KIF6: variants seen among roughly 807,000 people sequenced by gnomAD.
KIF6 encodes kinesin family member 6.
In KIF6, 106 loss-of-function variants were observed where a neutral mutation model predicts 112.7. The ratio of observed to expected loss-of-function variants is 0.94; its 90% CI spans 0.80 to 1.11. KIF6 has a LOEUF of 1.11. KIF6 is among the 50% of genes least tolerant of loss of function. The pLI, the probability that KIF6 is intolerant of heterozygous loss-of-function variation, is 0.00. For missense variants in KIF6, 929 were observed against 964.0 expected (o/e 0.96, Z 0.48); for synonymous variants, 339 against 339.9 (o/e 1.00, Z 0.03).
At chr6:39,691,364 G>A (rs1426409308) in intron 3 of KIF6, 1 of 152,196 alleles carries the variant, frequency 6.6e-6, no homozygotes, top group Non-Finnish European at 1.5e-5. Context: ...GTTAAATTAA[G>A]AGCCTAAGGG....
chr6:39,485,696 T>C (rs1030522263), intron 13 of KIF6, among the ~76,000 whole-genome samples: 1 of 152,204 alleles, frequency 6.6e-6, no homozygotes, highest in Non-Finnish European at 1.5e-5. Context: ...CATGTTGGCC[T>C]CTCAGCTATG....
At chr6:39,432,551 C>T (rs139510166) in intron 13 of KIF6, among the ~76,000 whole-genome samples, 4 of 152,264 alleles carry the variant, frequency 2.6e-5, no homozygotes, top group African/African-American at 9.6e-5. Context: ...TGGTGAGGCA[C>T]AAAAATACAC....
intron 3 of KIF6, among the ~76,000 whole-genome samples, chr6:39,660,452 T>C (rs919718131): frequency 6.6e-6 from 1 of 152,220 alleles, no homozygotes; most frequent in Admixed American, 6.5e-5. Context: ...GGGTATAAGC[T>C]GTCTAGTTGT....
At position 39,725,184 on chromosome 6, in the gene KIF6, C is replaced by T. The variant is rs146826743; in HGVS notation, c.66+61G>A. ...CTCCGCCCAGCCCCTTCGCGTGCCG[C>T]CGCCCGACCCCAGCCCAAGAGGCCC... is the stretch of plus-strand genomic sequence containing the variant. On this transcript the variant is annotated intron_variant, in intron 1 of 22. Transcript: ENST00000287152. 3.8e-4 allele frequency: 561 copies of T among 1,469,262 alleles called. 3 individuals carry two copies. The African/African-American group carries it at 7.0e-3, about 18-fold the overall frequency. The allele number at this position is 1,469,262 out of a possible 1,614,324, so 91.0% of individuals were successfully genotyped here.
chr6:39,697,618 C>T (rs1358920160), intron 3 of KIF6, among the ~76,000 whole-genome samples: 1 of 151,400 alleles, frequency 6.6e-6, no homozygotes, highest in Non-Finnish European at 1.5e-5. Context: ...TCTCCACTCA[C>T]TGTGACCTCC....
chr6:39,518,632 G>T (rs1777204680), intron 13 of KIF6, among the ~76,000 whole-genome samples: 1 of 152,188 alleles, frequency 6.6e-6, no homozygotes, highest in African/African-American at 2.4e-5. Flanking sequence ...AAAAGGAAAA[G>T]ATGTCATGTA....
At position 39,545,314 on chromosome 6, in the gene KIF6, T is replaced by A. The variant is rs1239933493; in HGVS notation, c.1287+269A>T. On this transcript the variant is annotated intron_variant, in intron 11 of 22. Coordinates refer to ENST00000287152, the MANE Select transcript of KIF6 (RefSeq NM_145027.6). ...CTCTTGATATAGCTTGAAAATAGTT[T>A]TTTAAAAAATATGGAACTATTCTGT... 2.0e-5 allele frequency among the ~76,000 whole-genome samples: 3 copies of A among 152,222 alleles called. No homozygotes were observed. The East Asian group carries it at 5.8e-4, about 29-fold the overall frequency.
chr6:39,400,663 G>A (rs924150013), intron 15 of KIF6, among the ~76,000 whole-genome samples: 1 of 152,182 alleles, frequency 6.6e-6, no homozygotes, highest in Non-Finnish European at 1.5e-5. Flanking sequence ...AGAGGGTTGT[G>A]GGGGAGAAGC....
At chr6:39,383,931 A>G (rs934640815) in intron 16 of KIF6, among the ~76,000 whole-genome samples, 4 of 152,160 alleles carry the variant, frequency 2.6e-5, no homozygotes, top group African/African-American at 9.7e-5. Context: ...AATGGGTTGC[A>G]TTCTTGATTG....
chr6:39,674,834 A>G (rs1787041543), intron 3 of KIF6, among the ~76,000 whole-genome samples: 1 of 150,318 alleles, frequency 6.7e-6, no homozygotes, highest in Admixed American at 6.7e-5. Context: ...GTCAGGATTA[A>G]AGACAAAAAA....
chr6:39,357,272 C>T lies in KIF6; in HGVS notation c.2180+5G>A. The T allele has an allele frequency of 6.2e-7, 1 of 1,604,616 alleles. No homozygotes were observed. Among genetic ancestry groups the T allele is most frequent in the African/African-American group, 1.3e-5 (1 of 74,600 alleles). Reference sequence around the variant, plus strand: ...TCTAACACCTCCGGTGAGTTCTCACCTTACCTTTTGTTAGAGAGGAGTTGG... The same window carrying T: ...TCTAACACCTCCGGTGAGTTCTCACTTTACCTTTTGTTAGAGAGGAGTTGG... On this transcript the variant is annotated splice_donor_5th_base_variant and intron_variant, in intron 19 of 22. Transcript: ENST00000287152.
intron 3 of KIF6, among the ~76,000 whole-genome samples, chr6:39,683,058 A>G (rs372195890): frequency 2.0e-5 from 3 of 152,234 alleles, no homozygotes; most frequent in Admixed American, 6.5e-5. Flanking sequence ...TGGGCAAAGG[A>G]AAGGAAAAGG....
rs561127832 is a variant in KIF6 at position 39,693,093 on chromosome 6, C to T, written c.251+21599G>A. On this transcript the variant is annotated intron_variant, in intron 3 of 22. Coordinates refer to ENST00000287152, the MANE Select transcript of KIF6 (RefSeq NM_145027.6). The stretch of plus-strand genomic sequence containing the variant: ...CAGCTGCGCTGCCCAGATCAATGTA[C>T]GCATATGCCCCTGGGAGGTTGGTAC... Among the ~76,000 whole-genome samples, 5 of 152,288 alleles carry T rather than the reference C, an allele frequency of 3.3e-5. No individual in the cohort carries two copies. In the East Asian group the frequency reaches 5.8e-4, roughly 18 times the overall value.
chr6:39,538,454 A>T (rs1778576605), intron 13 of KIF6, among the ~76,000 whole-genome samples: 1 of 151,938 alleles, frequency 6.6e-6, no homozygotes, highest in Admixed American at 6.5e-5. Flanking sequence ...CAGCCAAAAG[A>T]CACATGAAAA....
intron 10 of KIF6, among the ~76,000 whole-genome samples, chr6:39,551,647 TA>T (rs1165840352): frequency 1.3e-5 from 2 of 152,008 alleles, no homozygotes; most frequent in African/African-American, 2.4e-5. Context: ...TATTAAAAAT[TA>T]AAAAAACTTT....
intron 1 of KIF6, among the ~76,000 whole-genome samples, chr6:39,723,897 G>T (rs1228842498): frequency 1.3e-5 from 2 of 151,792 alleles, no homozygotes; most frequent in Admixed American, 6.6e-5. Context: ...GTATAATAAC[G>T]AATAAAATAA....
At chr6:39,578,248 C>A in intron 9 of KIF6, 89 bp from the exon 10 acceptor site, 2 of 803,888 alleles carry the variant, frequency 2.5e-6, no homozygotes, top group Non-Finnish European at 4.2e-6. Flanking sequence ...AAATTATGGA[C>A]AATTTTATGG....
At chr6:39,636,230 A>G (rs937099194) in intron 4 of KIF6, among the ~76,000 whole-genome samples, 2 of 152,094 alleles carry the variant, frequency 1.3e-5, no homozygotes, top group Admixed American at 6.6e-5. Context: ...AATGGCTCCA[A>G]TTATCCAAAT....
intron 22 of KIF6, among the ~76,000 whole-genome samples, chr6:39,341,459 A>AG (rs34828831): frequency 6.6e-6 from 1 of 152,138 alleles, no homozygotes; most frequent in African/African-American, 2.4e-5. Flanking sequence ...GGAGAACCCC[A>AG]GGGGGCTGTT....
Sources: allele counts gnomAD v4.1 joint callset (sites outside exome capture counted in the v4.1 genomes callset), GRCh38; gene constraint gnomAD v4.1.1; transcripts MANE v1.5; gene names NCBI Gene and HGNC (gene_info 2026-07-23, HGNC 2026-07-21).